The following KNG1 variants were observed in gnomAD, a reference collection of about 807,000 sequenced individuals.
The protein encoded by KNG1 is kininogen 1.
Under a neutral mutation model 47.8 loss-of-function variants are expected in KNG1, and 23 were observed. That is an observed-to-expected ratio of 0.48 (90% confidence interval 0.35 to 0.68). KNG1 has a LOEUF of 0.68. Among genes scored for constraint, KNG1 ranks in the 30% least tolerant of loss-of-function variants. The probability of loss-of-function intolerance (pLI) is 0.01; values close to 1 mark genes in which losing one functional copy is unlikely to be tolerated. For synonymous variants in KNG1, 277 were observed against 277.0 expected, an observed-to-expected ratio of 1.00 and a Z score of 0.00; for missense variants, 762 against 790.2, an observed-to-expected ratio of 0.96 and a Z score of 0.43.
rs774156283 is a variant in KNG1, at chr3:186,732,689, C to T, written c.930+15C>T. The T allele has an allele frequency of 1.2e-6, 2 of 1,603,740 alleles. No homozygotes were observed. The highest frequency in any genetic ancestry group is 2.2e-5 in the South Asian group (2 of 90,872). On this transcript the variant is annotated intron_variant, in intron 7 of 9. Transcript: ENST00000644859. ...CAAGAGTACAGGTGTGTAAACTATACTACAAAAGCAGTAACACTATAGTCT... is the reference window on the plus strand; with the variant it reads ...CAAGAGTACAGGTGTGTAAACTATATTACAAAAGCAGTAACACTATAGTCT...
chr3:186,740,060 A>G (rs1301515109), intron 9 of KNG1, among the ~76,000 whole-genome samples: 1 of 152,136 alleles, frequency 6.6e-6, no homozygotes, highest in East Asian at 1.9e-4. Context: ...AAAAAAAAAA[A>G]AAGAAAAGAA....
intron 5 of KNG1, among the ~76,000 whole-genome samples, chr3:186,730,701 TATATATATATATATACACACAC>T (rs1560065974): frequency 2.8e-4 from 18 of 63,294 alleles, no homozygotes; most frequent in African/African-American, 5.8e-4. Context: ...TATATATATA[TATATATATATATATACACACAC>T]ACACACATAT....
chr3:186,728,281 T>C (rs1216617122), intron 5 of KNG1: 2 of 152,208 alleles, frequency 1.3e-5, no homozygotes, highest in Non-Finnish European at 2.9e-5. Flanking sequence ...GCCAAGGAAA[T>C]GCTGCAAGTC....
intron 2 of KNG1, chr3:186,722,196 C>A: frequency 2.1e-6 from 1 of 466,224 alleles, no homozygotes; most frequent in South Asian, 2.5e-5. Flanking sequence ...AAGACTCAAG[C>A]TTTAAAACCT....
intron 7 of KNG1, among the ~76,000 whole-genome samples, chr3:186,737,310 A>G (rs1189596862): frequency 6.6e-6 from 1 of 151,972 alleles, no homozygotes; most frequent in Non-Finnish European, 1.5e-5. Flanking sequence ...GCTTTTGTCC[A>G]TTTTTAGTGT....
At position 186,717,420 on chromosome 3, in the gene KNG1, G is replaced by A. The variant is rs908065560; in HGVS notation, c.-123G>A. The A allele has an allele frequency of 1.5e-5, 12 of 789,802 alleles. No individual in the cohort carries two copies. Among genetic ancestry groups the A allele is most frequent in the African/African-American group, 1.2e-4 (7 of 58,356 alleles). 48.9% of individuals were successfully genotyped at this position (789,802 alleles called of 1,614,324 possible). A position where few individuals can be genotyped will look rare whatever the true frequency, so the allele number is the denominator to read the frequency against. On this transcript the variant is annotated 5_prime_UTR_variant, in exon 1 of 10. Transcript: ENST00000644859. ...AGCAGGAATCCAACCAGTGCCCTGA[G>A]TTCTGAGGCAGAGAGGAGGACAGAA...
In KNG1 at chr3:186,727,313, T is replaced by A. The variant is rs770195109; in HGVS notation, c.641T>A (p.Leu214Ter). ...TGTTCCAAAGAGAATTTTCTGTTCT[T>A]AACTCCAGACTGCAAGTCCCTTTGG... ...TNCSKENFLF[L>*]TPDCKSLWNG... Residue 214 changes from leucine to a stop codon, truncating the protein, a stop_gained, in exon 5 of 10, where the codon TTA becomes TAA. Transcript: ENST00000644859. LOFTEE classifies it high-confidence loss of function. 6.2e-7 allele frequency: 1 copy of A among 1,613,292 alleles called. No homozygotes were observed. Among genetic ancestry groups the A allele is most frequent in the Non-Finnish European group, 8.5e-7 (1 of 1,179,202 alleles).
chr3:186,719,992 A>G, intron 1 of KNG1, 113 bp from the exon 2 acceptor site: 1 of 748,414 alleles, frequency 1.3e-6, no homozygotes, highest in East Asian at 2.5e-5. Context: ...ATTTTAAGTG[A>G]ATGCTTTGCT....
intron 5 of KNG1, 145 bp downstream of exon 5, chr3:186,727,489 C>T: frequency 1.5e-6 from 1 of 662,810 alleles, no homozygotes; most frequent in Non-Finnish European, 2.7e-6. Flanking sequence ...AAGACTAAAG[C>T]TCACGTCACT....
chr3:186,724,708 T>TC (rs1720299915), intron 3 of KNG1, among the ~76,000 whole-genome samples: 1 of 151,688 alleles, frequency 6.6e-6, no homozygotes, highest in African/African-American at 2.4e-5. Flanking sequence ...TTTTTTTTTT[T>TC]CTTTTGAGAC....
chr3:186,739,149 A>G lies in KNG1; in HGVS notation c.981A>G (p.Thr327=), dbSNP rs1373188105. Residue 327 remains threonine (T), a synonymous_variant, in exon 8 of 10, where the codon ACA becomes ACG. Transcript: ENST00000644859. The stretch of plus-strand genomic sequence containing the variant: ...TTGACTTCGTGGCCAGGGAAACCAC[A>G]TGTTCCAAGGAAAGTAATGAAGAGT... ...YFIDFVARET[T]CSKESNEELT... 2 of 1,614,190 alleles carry G rather than the reference A, an allele frequency of 1.2e-6. No homozygotes were observed. The highest frequency in any genetic ancestry group is 1.7e-6 in the Non-Finnish European group (2 of 1,180,006).
At chr3:186,725,478 T>C (rs1720333654) in intron 4 of KNG1, among the ~76,000 whole-genome samples, 1 of 150,740 alleles carries the variant, frequency 6.6e-6, no homozygotes, top group Admixed American at 6.7e-5. Flanking sequence ...TTTTAACAAA[T>C]GGGTAATCGT....
intron 7 of KNG1, among the ~76,000 whole-genome samples, chr3:186,733,529 G>A (rs1720595146): frequency 6.6e-6 from 1 of 152,062 alleles, no homozygotes; most frequent in Admixed American, 6.6e-5. Flanking sequence ...CCTATCAATA[G>A]AAGACTGACA....
At chr3:186,730,683 A>AATATATAT (rs200151975) in intron 5 of KNG1, among the ~76,000 whole-genome samples, 1 of 39,146 alleles carries the variant, frequency 2.6e-5, no homozygotes, top group Non-Finnish European at 4.4e-5. Flanking sequence ...AAAAAAAAAA[A>AATATATAT]ATATATATAT....
chr3:186,731,098 A>G (rs1336434614), intron 5 of KNG1, among the ~76,000 whole-genome samples: 1 of 152,018 alleles, frequency 6.6e-6, no homozygotes, highest in East Asian at 1.9e-4. Context: ...CGTGAATTTT[A>G]CTTTGTCCAA....
Position 186,717,578 on chromosome 3 carries a change from G to A in KNG1, c.36G>A (p.Arg12=). The change falls in exon 1 of 10, where the codon AGG becomes AGA. Residue 12 remains arginine (R), a synonymous_variant. Transcript: ENST00000644859. ...TTACCATCCTTTTCCTCTGCTCCAG[G>A]CTGCTACTAAGTTTAACCCAGGAAT... ...KLITILFLCS[R]LLLSLTQESQ... is the part of the protein sequence containing the mutation. 6.2e-7 allele frequency: 1 copy of A among 1,612,466 alleles called. No homozygotes were observed. Among genetic ancestry groups the A allele is most frequent in the African/African-American group, 1.3e-5 (1 of 74,964 alleles).
At chr3:186,727,431 C>T (rs938550611) in intron 5 of KNG1, 87 bp downstream of exon 5, 17 of 873,556 alleles carry the variant, frequency 1.9e-5, no homozygotes, top group South Asian at 5.4e-5. Flanking sequence ...AAGACTGTCA[C>T]GAAAAGTTTA....
intron 7 of KNG1, among the ~76,000 whole-genome samples, chr3:186,737,784 C>A (rs1720705264): frequency 6.6e-6 from 1 of 151,976 alleles, no homozygotes; most frequent in South Asian, 2.1e-4. Context: ...GGTCTCGAAC[C>A]CCTGACCTCA....
chr3:186,722,577 C>A, intron 3 of KNG1, 56 bp downstream of exon 3: 1 of 1,337,466 alleles, frequency 7.5e-7, no homozygotes, highest in Non-Finnish European at 1.1e-6. Flanking sequence ...TTTCTGTGAG[C>A]CAGGAACACA....
Sources: allele counts gnomAD v4.1 joint callset (sites outside exome capture counted in the v4.1 genomes callset), GRCh38; gene constraint gnomAD v4.1.1; transcripts MANE v1.5; gene names NCBI Gene and HGNC (gene_info 2026-07-23, HGNC 2026-07-21).